Variants in DDHD2 observed in about 807,000 individuals in gnomAD.
DDHD2 encodes DDHD domain containing 2, also known as triacylglycerol hydrolase DDHD2.
DDHD2 carries 62 observed loss-of-function variants against 91.2 expected under a neutral mutation model. The observed-to-expected ratio is 0.68, with a 90% CI of 0.55 to 0.84. DDHD2 has a LOEUF of 0.84. DDHD2 is among the 40% of genes least tolerant of loss of function. DDHD2 has a pLI of 0.00. For missense variants in DDHD2, 740 were observed against 846.9 expected (o/e 0.87, Z 1.57); for synonymous variants, 271 against 293.9 (o/e 0.92, Z 0.80).
At chr8:38,253,227 A>G in intron 15 of DDHD2, 100 bp downstream of exon 15, 1 of 1,209,860 alleles carries the variant, frequency 8.3e-7, no homozygotes, top group Admixed American at 2.8e-5. Context: ...ATTTAATTTC[A>G]TAGTTAATAT....
chr8:38,233,936 AAAAAGAAAAG>A (rs1228839222), intron 2 of DDHD2, among the ~76,000 whole-genome samples: 1 of 151,818 alleles, frequency 6.6e-6, no homozygotes, highest in Non-Finnish European at 1.5e-5. Flanking sequence ...TCAAAAAAAA[AAAAAGAAAAG>A]AAAAGAAAAA....
At chr8:38,249,433 T>A (rs896191723) in intron 10 of DDHD2, among the ~76,000 whole-genome samples, 8 of 148,932 alleles carry the variant, frequency 5.4e-5, no homozygotes, top group Non-Finnish European at 1.2e-4. Context: ...TGTCCTGAAG[T>A]CCTTAGATAC....
chr8:38,251,614 A>G (rs1806113812), intron 11 of DDHD2: 1 of 251,244 alleles, frequency 4.0e-6, no homozygotes, highest in Non-Finnish European at 7.6e-6. Flanking sequence ...ATTTAAGGCA[A>G]TAATTTAATC....
rs1233235766 is a variant in DDHD2 at position 38,261,899 on chromosome 8, C to T, written c.*1326C>T. On this transcript the variant is annotated 3_prime_UTR_variant, in exon 18 of 18. Transcript: ENST00000397166. ...GCCTCTGTTTATAGAGTGGCAAAGG[C>T]AGGCGAGCTGTGGTTTATTGTTTAT... 6.6e-6 allele frequency: 1 copy of T among 152,170 alleles called. No homozygotes were observed. Among genetic ancestry groups the T allele is most frequent in the East Asian group, 1.9e-4 (1 of 5,200 alleles). The allele number at this position is 152,170 out of a possible 1,614,324, so 9.4% of individuals were successfully genotyped here.
intron 6 of DDHD2, 77 bp downstream of exon 6, chr8:38,240,441 T>TTA: frequency 9.5e-7 from 1 of 1,053,948 alleles, no homozygotes; most frequent in Admixed American, 2.0e-5. Context: ...TTTGGTCTAT[T>TTA]GTCTTAGCTG....
rs1806156958 is a variant in DDHD2 at position 38,252,118 on chromosome 8, T to A, written c.1462-14T>A. On this transcript the variant is annotated splice_polypyrimidine_tract_variant and intron_variant, in intron 12 of 17. Coordinates refer to ENST00000397166, the MANE Select transcript of DDHD2 (RefSeq NM_015214.3). The stretch of plus-strand genomic sequence containing the variant: ...TGTTATTAATGAGAGATGCTTTTAT[T>A]TTCCTCCTTTGAGGTGTCTGTGAAA... 6.2e-7 allele frequency: 1 copy of A among 1,612,732 alleles called. No homozygotes were observed.
downstream of DDHD2, chr8:38,265,068 A>C (rs1183554850): frequency 2.8e-6 from 2 of 716,416 alleles, no homozygotes; most frequent in Admixed American, 2.3e-5. Context: ...GGAGATTGAG[A>C]CCAGCCTGAC....
intron 16 of DDHD2, among the ~76,000 whole-genome samples, chr8:38,259,387 G>GTTT (rs1241069968): frequency 2.3e-5 from 3 of 132,908 alleles, no homozygotes; most frequent in Admixed American, 7.7e-5. Context: ...CGCCTGGCTA[G>GTTT]TTTTTTTTTT....
At chr8:38,238,728 A>AG (rs1226228606) in intron 5 of DDHD2, 1 of 921,562 alleles carries the variant, frequency 1.1e-6, no homozygotes, top group Non-Finnish European at 1.3e-6. Flanking sequence ...TCAGGCTTTA[A>AG]AAACATACCA....
At chr8:38,232,726 A>T (rs879537277) in intron 1 of DDHD2, among the ~76,000 whole-genome samples, 7 of 152,172 alleles carry the variant, frequency 4.6e-5, no homozygotes, top group Admixed American at 1.3e-4. Flanking sequence ...TTTGTTTTAT[A>T]ACTTATGGAC....
Position 38,262,051 on chromosome 8 carries a change from T to C in DDHD2, c.*1478T>C, listed in dbSNP as rs1807070546. On this transcript the variant is annotated 3_prime_UTR_variant, in exon 18 of 18. Transcript: ENST00000397166. Reference sequence around the variant, plus strand: ...AAAGGAAAATGAAGGGTAATTACTGTCACCATGGAGATTGTAGAGGTAAGG... The same window carrying C: ...AAAGGAAAATGAAGGGTAATTACTGCCACCATGGAGATTGTAGAGGTAAGG... The C allele has an allele frequency of 6.6e-6, 1 of 152,228 alleles. No homozygotes were observed. Among genetic ancestry groups the C allele is most frequent in the East Asian group, 1.9e-4 (1 of 5,204 alleles). 9.4% of individuals were successfully genotyped at this position (152,228 alleles called of 1,614,324 possible).
At chr8:38,267,076 C>G, downstream of DDHD2, 5 of 1,432,864 alleles carry the variant, frequency 3.5e-6, no homozygotes, top group Non-Finnish European at 3.7e-6. Context: ...GGTAAACTAC[C>G]TTTCTGTTCT....
intron 13 of DDHD2, 130 bp from the exon 14 acceptor site, chr8:38,252,592 T>C: frequency 4.3e-6 from 3 of 704,034 alleles, no homozygotes; most frequent in South Asian, 2.0e-5. Context: ...CAGTGAGCCA[T>C]GATTGCACCA....
chr8:38,246,044 A>G, intron 8 of DDHD2, 94 bp downstream of exon 8: 1 of 1,364,134 alleles, frequency 7.3e-7, no homozygotes, highest in Admixed American at 1.8e-5. Context: ...TATGAAATTC[A>G]GAGGTCTAGA....
At chr8:38,268,524 G>T in intron 1 of DDHD2, 1 of 1,540,272 alleles carries the variant, frequency 6.5e-7, no homozygotes. Context: ...GCTCCTACAG[G>T]AAAGAGGGAT....
downstream of DDHD2, chr8:38,266,008 A>T (rs1807529322): frequency 4.4e-5 from 32 of 730,162 alleles, no homozygotes; most frequent in South Asian, 7.9e-4. Flanking sequence ...TGTACTTAGT[A>T]CAGAACCCAG....
chr8:38,240,379 C>T lies in DDHD2; in HGVS notation c.712+15C>T, dbSNP rs779367175. 6.4e-7 allele frequency: 1 copy of T among 1,564,278 alleles called. No individual in the cohort carries two copies. The highest frequency in any genetic ancestry group is 1.7e-5 in the Admixed American group (1 of 59,522). On this transcript the variant is annotated intron_variant, in intron 6 of 17. Coordinates refer to ENST00000397166, the MANE Select transcript of DDHD2 (RefSeq NM_015214.3). ...TGTACAGTGTGGTAGGTTTGCAAAGCATGTGAGAGAATATTAATCAGTGCT... is the reference window on the plus strand; with the variant it reads ...TGTACAGTGTGGTAGGTTTGCAAAGTATGTGAGAGAATATTAATCAGTGCT...
Position 38,234,590 on chromosome 8 carries a change from C to T in DDHD2, c.411+6C>T, listed in dbSNP as rs562827417. ...GCTTCAGCCAAGTTTTAGAGGTATTCTTTTGACTCTTTTTTTACTTATTCT... is the reference window on the plus strand; with the variant it reads ...GCTTCAGCCAAGTTTTAGAGGTATTTTTTTGACTCTTTTTTTACTTATTCT... On this transcript the variant is annotated splice_donor_region_variant and intron_variant, in intron 3 of 17. Coordinates refer to ENST00000397166, the MANE Select transcript of DDHD2 (RefSeq NM_015214.3). 3.1e-4 allele frequency: 496 copies of T among 1,576,232 alleles called. No individual in the cohort carries two copies. The highest frequency in any genetic ancestry group is 4.0e-4 in the Non-Finnish European group (472 of 1,165,626).
In DDHD2 at chr8:38,262,030, G is replaced by A. The variant is rs1218300128; in HGVS notation, c.*1457G>A. On this transcript the variant is annotated 3_prime_UTR_variant, in exon 18 of 18. Transcript: ENST00000397166. ...CTTTATCCCTTTCTGGAAAGAAAAG[G>A]AAAATGAAGGGTAATTACTGTCACC... 4 of 152,274 alleles carry A rather than the reference G, an allele frequency of 2.6e-5. No homozygotes were observed. The East Asian group carries it at 7.7e-4, about 29-fold the overall frequency. 9.4% of individuals were successfully genotyped at this position (152,274 alleles called of 1,614,324 possible).
Sources: allele counts gnomAD v4.1 joint callset (sites outside exome capture counted in the v4.1 genomes callset), GRCh38; gene constraint gnomAD v4.1.1; transcripts MANE v1.5; gene names NCBI Gene and HGNC (gene_info 2026-07-23, HGNC 2026-07-21).